The following RSKR variants were observed in gnomAD, a reference collection of about 807,000 sequenced individuals.
The protein encoded by RSKR is ribosomal protein S6 kinase-related protein.
Under a neutral mutation model 56.8 loss-of-function variants are expected in RSKR, and 44 were observed. That is an observed-to-expected ratio of 0.77 (90% confidence interval 0.61 to 1.00). RSKR has a LOEUF of 1.00. RSKR is among the 50% of genes least tolerant of loss of function. RSKR has a pLI of 0.00. For synonymous variants in RSKR, 181 were observed against 188.0 expected (o/e 0.96, Z 0.30); for missense variants, 510 against 506.9 (o/e 1.01, Z -0.06).
At chr17:28,613,942 G>T in intron 1 of RSKR, 145 bp downstream of exon 1, 1 of 1,085,044 alleles carries the variant, frequency 9.2e-7, no homozygotes, top group East Asian at 2.5e-5. Context: ...TCAGTATTGG[G>T]CTGTGATGCT....
At chr17:28,613,172 C>CA in intron 3 of RSKR, 26 bp from the exon 4 acceptor site, 1 of 1,613,450 alleles carries the variant, frequency 6.2e-7, no homozygotes, top group Non-Finnish European at 8.5e-7. Flanking sequence ...AGTGATGACT[C>CA]ATAGATAGTG....
Position 28,611,651 on chromosome 17 carries a change from G to T in RSKR, c.727C>A (p.Leu243Met). Residue 243 changes from leucine (L) to methionine (M), a missense_variant, in exon 9 of 12, where the codon CTG (leucine) becomes ATG (methionine). By Grantham distance (15) the Leu-to-Met change is conservative. Transcript: ENST00000301037. ...GACAGACCAAAGTCTGTCAGTTTCAGATGGCCTATGAAAGAAGGTAAGGCA... is the reference window on the plus strand; with the variant it reads ...GACAGACCAAAGTCTGTCAGTTTCATATGGCCTATGAAAGAAGGTAAGGCA... ...ENILLDERGH[L>M]KLTDFGLSRH... 1 of 1,591,038 alleles carries T rather than the reference G, an allele frequency of 6.3e-7. No homozygotes were observed. Among genetic ancestry groups the T allele is most frequent in the Non-Finnish European group, 8.5e-7 (1 of 1,169,708 alleles).
chr17:28,613,182 G>A (rs1197891227), intron 3 of RSKR, 36 bp from the exon 4 acceptor site: 5 of 1,612,630 alleles, frequency 3.1e-6, no homozygotes, highest in Middle Eastern at 1.6e-4. Context: ...CATAGATAGT[G>A]CTATTGAATT....
At position 28,613,993 on chromosome 17, in the gene RSKR, A is replaced by G. The variant is rs570593445; in HGVS notation, c.75+94T>C. On this transcript the variant is annotated intron_variant, in intron 1 of 11. Coordinates refer to ENST00000301037, the MANE Select transcript of RSKR (RefSeq NM_001174103.2). ...CCCTGCCCCACCCCCACATTGGGTA[A>G]TCACTTCCATGCTCCTAACCAGGAA... 2.0e-6 allele frequency: 3 copies of G among 1,504,448 alleles called. No individual in the cohort carries two copies. In the East Asian group the frequency reaches 6.8e-5, roughly 34 times the overall value. 93.2% of individuals were successfully genotyped at this position (1,504,448 alleles called of 1,614,324 possible).
Position 28,610,677 on chromosome 17 carries a change from T to C in RSKR, c.1034A>G (p.His345Arg). ...LHELLCQNPL[H>R]RLRYLHHFQV... The stretch of plus-strand genomic sequence containing the variant: ...GAAGTGATGCAGATAACGTAGACGA[T>C]GGAGGGGGTTCTGGCATAAGAGCTG... The change falls in exon 12 of 12, where the codon CAT becomes CGT. Residue 345 changes from histidine to arginine, a missense_variant. Physicochemically the swap from His to Arg is conservative, Grantham distance 29 (BLOSUM62 0). Coordinates refer to ENST00000301037, the MANE Select transcript of RSKR (RefSeq NM_001174103.2). 5.2e-6 allele frequency: 8 copies of C among 1,535,928 alleles called. No homozygotes were observed. The highest frequency in any genetic ancestry group is 1.2e-5 in the South Asian group (1 of 84,048).
In RSKR at chr17:28,610,374, G is replaced by T; in HGVS notation, c.*104C>A. 1 of 1,057,984 alleles carries T rather than the reference G, an allele frequency of 9.5e-7. No homozygotes were observed. Among genetic ancestry groups the T allele is most frequent in the Non-Finnish European group, 1.4e-6 (1 of 732,244 alleles). 65.5% of individuals were successfully genotyped at this position (1,057,984 alleles called of 1,614,324 possible). The stretch of plus-strand genomic sequence containing the variant: ...GCCTAGGAGAGCAGAACGGTAAGAG[G>T]CTACAAAATAAAAACAAACTGGATT... On this transcript the variant is annotated 3_prime_UTR_variant, in exon 12 of 12. Transcript: ENST00000301037.
Position 28,610,483 on chromosome 17 carries a change from C to T in RSKR, c.1228G>A (p.Ala410Thr), listed in dbSNP as rs1555537939. ...CCAATTTACAGTAGAGAGGCTCAAG[C>T]AGGGATAGGGTAGAGCAAGAAGGAC... ...LESFLLYPIP[A>T] The change falls in exon 12 of 12, where the codon GCT becomes ACT. Residue 410 changes from alanine (A) to threonine (T), a missense_variant. Physicochemically the swap from Ala to Thr is moderately conservative, Grantham distance 58. Coordinates refer to ENST00000301037, the MANE Select transcript of RSKR (RefSeq NM_001174103.2). 8 of 1,535,932 alleles carry T rather than the reference C, an allele frequency of 5.2e-6. No homozygotes were observed. The South Asian group carries it at 9.5e-5, about 18-fold the overall frequency.
At position 28,610,522 on chromosome 17, in the gene RSKR, C is replaced by CA; in HGVS notation, c.1188dup (p.Asp397Ter). 1 of 1,535,988 alleles carries CA rather than the reference C, an allele frequency of 6.5e-7. No individual in the cohort carries two copies. Among genetic ancestry groups the CA allele is most frequent in the Non-Finnish European group, 8.7e-7 (1 of 1,146,878 alleles). On this transcript the variant is annotated frameshift_variant, in exon 12 of 12. Transcript: ENST00000301037. LOFTEE classifies it high-confidence loss of function. The stretch of plus-strand genomic sequence containing the variant: ...AGCAAGAAGGACTCCAGATCACAGT[C>CA]AAAGTCGTCAAAGGGCATGGTCTCC...
intron 10 of RSKR, 35 bp downstream of exon 10, chr17:28,611,358 C>G: frequency 6.5e-7 from 1 of 1,540,798 alleles, no homozygotes; most frequent in Non-Finnish European, 8.7e-7. Flanking sequence ...CAAGGCAAAG[C>G]TCTTCTCTGC....
rs763210298 is a variant in RSKR, at chr17:28,614,179, T to A, written c.-18A>T. 23 of 1,612,570 alleles carry A rather than the reference T, an allele frequency of 1.4e-5. No individual in the cohort carries two copies. The highest frequency in any genetic ancestry group is 1.2e-4 in the Admixed American group (7 of 59,994). On this transcript the variant is annotated 5_prime_UTR_variant, in exon 1 of 12. Coordinates refer to ENST00000301037, the MANE Select transcript of RSKR (RefSeq NM_001174103.2). ...GCTCCCATTCCCAGCCTCTGCCTCC[T>A]CTCTCTGCTAAATCTGCTGTCCCAG...
rs757163949 is a variant in RSKR, at chr17:28,611,460, C to A, written c.833G>T (p.Gly278Val). Residue 278 changes from glycine to valine, a missense_variant, in exon 10 of 12, where the codon GGA becomes GTA. By Grantham distance (109) the Gly-to-Val change is moderately radical. Coordinates refer to ENST00000301037, the MANE Select transcript of RSKR (RefSeq NM_001174103.2). ...CCAATCAGCAGCATGGTTGTAAGGT[C>A]CTCCACTTAGGACCTCTGGGGCTAC... is the stretch of plus-strand genomic sequence containing the variant. ...QYMAPEVLSG[G>V]PYNHAADWWS... The A allele has an allele frequency of 1.9e-5, 31 of 1,605,658 alleles. No homozygotes were observed. In the East Asian group the frequency reaches 6.2e-4, roughly 32 times the overall value.
intron 5 of RSKR, 79 bp downstream of exon 5, chr17:28,612,539 A>T: frequency 6.6e-7 from 1 of 1,517,486 alleles, no homozygotes; most frequent in Non-Finnish European, 9.1e-7. Context: ...GCAAAGGCAG[A>T]ACAAGCCAAA....
At position 28,611,214 on chromosome 17, in the gene RSKR, C is replaced by G. The variant is rs1207583806; in HGVS notation, c.940G>C (p.Ala314Pro). 6.5e-7 allele frequency: 1 copy of G among 1,536,196 alleles called. No homozygotes were observed. The highest frequency in any genetic ancestry group is 1.4e-5 in the African/African-American group (1 of 73,150). ...TCAGAGTCACTGTGGGTCACACTTG[C>G]CAACATGGCCACATGATCTCTCTCT... ...AAERDHVAML[A>P]SVTHSDSEIP... The change falls in exon 11 of 12, where the codon GCA becomes CCA. Residue 314 changes from alanine to proline, a missense_variant. Transcript: ENST00000301037.
intron 7 of RSKR, 24 bp downstream of exon 7, chr17:28,612,020 A>G: frequency 2.5e-6 from 4 of 1,614,128 alleles, no homozygotes; most frequent in Non-Finnish European, 3.4e-6. Flanking sequence ...TCTCAGACAA[A>G]GGGAAAAAAG....
rs998462800 is a variant in RSKR, at chr17:28,609,389, T to C, written c.*1089A>G. The C allele has an allele frequency of 4.6e-5, 7 of 152,036 alleles. No individual in the cohort carries two copies. The highest frequency in any genetic ancestry group is 7.4e-5 in the Non-Finnish European group (5 of 68,008). The allele number at this position is 152,036 out of a possible 1,614,324, so 9.4% of individuals were successfully genotyped here. On this transcript the variant is annotated 3_prime_UTR_variant, in exon 12 of 12. Transcript: ENST00000301037. The stretch of plus-strand genomic sequence containing the variant: ...TGAATCATGGGCTCACTAGGAGAAA[T>C]TGTCAGTTTAAAAATCCTATGCTTT...
Position 28,610,542 on chromosome 17 carries a change from G to T in RSKR, c.1169C>A (p.Thr390Asn). The change falls in exon 12 of 12, where the codon ACC (threonine) becomes AAC (asparagine). Residue 390 changes from threonine to asparagine, a missense_variant. Physicochemically the swap from Thr to Asn is moderately conservative, Grantham distance 65. Transcript: ENST00000301037. ...TQATQPSSAE[T>N]MPFDDFDCDL... Reference sequence around the variant, plus strand: ...ACAGTCAAAGTCGTCAAAGGGCATGGTCTCCGCTGAACTGGGCTGGGTAGC... The same window carrying T: ...ACAGTCAAAGTCGTCAAAGGGCATGTTCTCCGCTGAACTGGGCTGGGTAGC... 2 of 1,536,072 alleles carry T rather than the reference G, an allele frequency of 1.3e-6. No individual in the cohort carries two copies. Among genetic ancestry groups the T allele is most frequent in the Non-Finnish European group, 1.7e-6 (2 of 1,146,908 alleles).
intron 4 of RSKR, 95 bp from the exon 5 acceptor site, chr17:28,612,782 G>T: frequency 1.7e-6 from 2 of 1,180,172 alleles, no homozygotes; most frequent in Non-Finnish European, 2.5e-6. Context: ...TGCAGAGGGG[G>T]AACTGCTGCC....
intron 4 of RSKR, 100 bp from the exon 5 acceptor site, chr17:28,612,787 G>T: frequency 8.9e-7 from 1 of 1,122,218 alleles, no homozygotes; most frequent in Non-Finnish European, 1.3e-6. Flanking sequence ...AGGGGGAACT[G>T]CTGCCTCACC....
intron 1 of RSKR, 142 bp from the exon 2 acceptor site, chr17:28,613,830 G>T: frequency 1.6e-6 from 2 of 1,252,590 alleles, no homozygotes; most frequent in Non-Finnish European, 2.2e-6. Context: ...CATTACCCTT[G>T]CTTTGTGCTA....
Sources: gnomAD v4.1 joint callset for allele counts on GRCh38, gnomAD v4.1.1 for gene constraint, MANE v1.5 for transcripts, NCBI Gene and HGNC (gene_info 2026-07-23, HGNC 2026-07-21) for gene names.